Variants in CACNA2D3 observed in about 807,000 individuals in gnomAD.
CACNA2D3 encodes the protein voltage-dependent calcium channel subunit alpha-2/delta-3.
CACNA2D3 carries 60 observed loss-of-function variants against 160.6 expected under a neutral mutation model. The observed-to-expected ratio is 0.37, with a 90% CI of 0.30 to 0.46. The LOEUF is 0.46. Among genes scored for constraint, CACNA2D3 ranks in the 20% least tolerant of loss-of-function variants. The pLI is 1.00. For missense variants in CACNA2D3, 1,205 were observed against 1,365.0 expected, an observed-to-expected ratio of 0.88 and a Z score of 1.85; for synonymous variants, 558 against 492.9, an observed-to-expected ratio of 1.13 and a Z score of -1.75.
rs1704834458 is a variant in CACNA2D3, at chr3:55,072,543, G to GTTAA, written c.2988-899_2988-896dup. On this transcript the variant is annotated intron_variant, in intron 35 of 37. Transcript: ENST00000474759. ...AAACTTTGGAGAAACTGACAATTTTGTTAATTTCCATTTGTTAAGTTAAAA... is the reference window on the plus strand; with the variant it reads ...AAACTTTGGAGAAACTGACAATTTTGTTAATTAATTTCCATTTGTTAAGTTAAAA... Among the ~76,000 whole-genome samples, 3 of 152,304 alleles carry GTTAA rather than the reference G, an allele frequency of 2.0e-5. No individual in the cohort carries two copies. In the South Asian group the frequency reaches 6.2e-4, roughly 32 times the overall value.
At chr3:55,049,075 TG>T (rs1704127724) in intron 35 of CACNA2D3, among the ~76,000 whole-genome samples, 1 of 151,814 alleles carries the variant, frequency 6.6e-6, no homozygotes, top group Non-Finnish European at 1.5e-5. Flanking sequence ...ATTAATTTTT[TG>T]AAGGGTTTTT....
At chr3:54,756,548 C>T (rs751455877) in intron 12 of CACNA2D3, among the ~76,000 whole-genome samples, 1 of 152,174 alleles carries the variant, frequency 6.6e-6, no homozygotes, top group Non-Finnish European at 1.5e-5. Flanking sequence ...TTCACCCTGA[C>T]TCAGCCAAGT....
intron 13 of CACNA2D3, among the ~76,000 whole-genome samples, chr3:54,811,058 C>T (rs1373408063): frequency 6.6e-6 from 1 of 152,174 alleles, no homozygotes; most frequent in Non-Finnish European, 1.5e-5. Flanking sequence ...TGTCCTCTGC[C>T]TACACTCACC....
intron 3 of CACNA2D3, among the ~76,000 whole-genome samples, chr3:54,359,432 A>G (rs115703840): frequency 5.2e-4 from 79 of 152,250 alleles, no homozygotes; most frequent in African/African-American, 1.9e-3. Flanking sequence ...CATGTTGACA[A>G]TGTGATGCCC....
chr3:54,878,396 G>A (rs907594220), intron 18 of CACNA2D3, among the ~76,000 whole-genome samples: 2 of 152,066 alleles, frequency 1.3e-5, no homozygotes, highest in African/African-American at 4.8e-5. Context: ...AGCTGGGGGT[G>A]GGGGAGGAGA....
chr3:54,675,855 TC>T (rs1700234961), intron 11 of CACNA2D3, among the ~76,000 whole-genome samples: 1 of 152,132 alleles, frequency 6.6e-6, no homozygotes, highest in African/African-American at 2.4e-5. Flanking sequence ...CCTCAGCATT[TC>T]CCAAACCTGA....
chr3:54,371,437 A>G (rs1008886470), intron 3 of CACNA2D3, among the ~76,000 whole-genome samples: 1 of 152,158 alleles, frequency 6.6e-6, no homozygotes, highest in Non-Finnish European at 1.5e-5. Context: ...TTTTCTAACA[A>G]CTTCATCGAG....
chr3:54,720,837 C>T (rs533491724), intron 11 of CACNA2D3, among the ~76,000 whole-genome samples: 51 of 152,040 alleles, frequency 3.4e-4, no homozygotes, highest in African/African-American at 1.2e-3. Context: ...ATTATTACAT[C>T]TAAATACATA....
At position 54,430,138 on chromosome 3, in the gene CACNA2D3, A is replaced by G. The variant is rs184403613; in HGVS notation, c.381+43364A>G. ...TGTCCTTGCTGCGCAACTACTTTCT[A>G]TGTAAATTGTGGGAAAATGTGAAAA... On this transcript the variant is annotated intron_variant, in intron 4 of 37. Coordinates refer to ENST00000474759, the MANE Select transcript of CACNA2D3 (RefSeq NM_018398.3). Among the ~76,000 whole-genome samples, 503 of 152,356 alleles carry G rather than the reference A, an allele frequency of 3.3e-3. 19 individuals are homozygous for G. The East Asian group carries it at 0.072, about 22-fold the overall frequency.
chr3:54,660,711 A>T (rs1699952603), intron 11 of CACNA2D3, among the ~76,000 whole-genome samples: 1 of 152,176 alleles, frequency 6.6e-6, no homozygotes, highest in Admixed American at 6.5e-5. Flanking sequence ...TATAGGGCTT[A>T]GTGAACATGT....
chr3:54,425,406 G>A (rs978131879), intron 4 of CACNA2D3, among the ~76,000 whole-genome samples: 3 of 152,190 alleles, frequency 2.0e-5, no homozygotes, highest in African/African-American at 2.4e-5. Context: ...TAATAGCTGC[G>A]CAAATTCTTA....
At chr3:54,170,821 A>G (rs1276996063) in intron 2 of CACNA2D3, among the ~76,000 whole-genome samples, 1 of 152,194 alleles carries the variant, frequency 6.6e-6, no homozygotes, top group African/African-American at 2.4e-5. Context: ...ACTCAGCTGG[A>G]AAGATGAGTA....
At chr3:54,266,165 A>T (rs1702513146) in intron 2 of CACNA2D3, among the ~76,000 whole-genome samples, 1 of 152,284 alleles carries the variant, frequency 6.6e-6, no homozygotes, top group African/African-American at 2.4e-5. Flanking sequence ...GTTTGGCCTG[A>T]GCTTTGTAGA....
At chr3:54,531,989 C>A (rs1701813432) in intron 5 of CACNA2D3, among the ~76,000 whole-genome samples, 1 of 152,186 alleles carries the variant, frequency 6.6e-6, no homozygotes, top group Non-Finnish European at 1.5e-5. Context: ...TCTCCGCGAG[C>A]CCACACTGCC....
In CACNA2D3 at chr3:54,917,619, C is replaced by T. The variant is rs76630809; in HGVS notation, c.2449+17751C>T. On this transcript the variant is annotated intron_variant, in intron 27 of 37. Coordinates refer to ENST00000474759, the MANE Select transcript of CACNA2D3 (RefSeq NM_018398.3). ...TACAGATACACAAAAGTCATTATCT[C>T]GCTCTCAGCCCAACCTAAATTCATT... 4.6e-3 allele frequency among the ~76,000 whole-genome samples: 696 copies of T among 152,326 alleles called. 8 individuals are homozygous for T. The highest frequency in any genetic ancestry group is 0.016 in the African/African-American group (647 of 41,572).
intron 4 of CACNA2D3, among the ~76,000 whole-genome samples, chr3:54,438,640 A>C (rs976860802): frequency 6.6e-6 from 1 of 152,216 alleles, no homozygotes; most frequent in African/African-American, 2.4e-5. Flanking sequence ...TAGATGACTA[A>C]ATTATGACAA....
chr3:54,468,820 G>A (rs1210458600), intron 4 of CACNA2D3, among the ~76,000 whole-genome samples: 2 of 152,190 alleles, frequency 1.3e-5, no homozygotes, highest in African/African-American at 2.4e-5. Flanking sequence ...TGGGAAGTTC[G>A]AACTGGGTGG....
At chr3:54,215,069 C>T (rs989039823) in intron 2 of CACNA2D3, among the ~76,000 whole-genome samples, 12 of 152,278 alleles carry the variant, frequency 7.9e-5, no homozygotes, top group African/African-American at 2.6e-4. Flanking sequence ...CCCTATTGTC[C>T]ACACTCTCCA....
intron 11 of CACNA2D3, among the ~76,000 whole-genome samples, chr3:54,704,063 A>T (rs1700814649): frequency 6.6e-6 from 1 of 152,228 alleles, no homozygotes; most frequent in Admixed American, 6.5e-5. Context: ...TAGAAATGTC[A>T]AATCTGGCAC....
Sources: allele counts gnomAD v4.1 joint callset (sites outside exome capture counted in the v4.1 genomes callset), GRCh38; gene constraint gnomAD v4.1.1; transcripts MANE v1.5; gene names NCBI Gene and HGNC (gene_info 2026-07-23, HGNC 2026-07-21).